Variants in KIAA0825 observed in about 807,000 individuals in gnomAD.
KIAA0825 encodes the protein uncharacterized protein KIAA0825.
A neutral mutation model predicts 147.6 loss-of-function variants in KIAA0825; 119 were observed. That is an observed-to-expected ratio of 0.81 (90% CI 0.69 to 0.94). The LOEUF is 0.94. Among genes scored for constraint, KIAA0825 ranks in the 40% least tolerant of loss-of-function variants. KIAA0825 has a pLI of 0.00. For synonymous variants in KIAA0825, 470 were observed against 518.1 expected (o/e 0.91, Z 1.26); for missense variants, 1,381 against 1,472.7 (o/e 0.94, Z 1.02).
chr5:94,614,848 T>A (rs749756915), intron 1 of KIAA0825, among the ~76,000 whole-genome samples: 12 of 152,200 alleles, frequency 7.9e-5, no homozygotes, highest in Non-Finnish European at 1.8e-4. Flanking sequence ...CTTTGTCTAA[T>A]TTATAAAGCA....
intron 3 of KIAA0825, among the ~76,000 whole-genome samples, chr5:94,529,471 T>C (rs1770327867): frequency 6.7e-6 from 1 of 149,844 alleles, no homozygotes; most frequent in African/African-American, 2.4e-5. Flanking sequence ...ATATATTGTG[T>C]GTATATAGAT....
intron 2 of KIAA0825, among the ~76,000 whole-genome samples, chr5:94,557,838 A>G (rs1776835174): frequency 6.6e-6 from 1 of 152,064 alleles, no homozygotes; most frequent in Non-Finnish European, 1.5e-5. Context: ...AAATCTTGCA[A>G]CTGCACTCTT....
intron 20 of KIAA0825, among the ~76,000 whole-genome samples, chr5:94,308,587 C>T (rs992604307): frequency 6.6e-6 from 1 of 151,776 alleles, no homozygotes; most frequent in Non-Finnish European, 1.5e-5. Flanking sequence ...GCTCAAAGTT[C>T]CCTGCTGAAT....
chr5:94,535,006 T>A (rs560696952), intron 3 of KIAA0825, among the ~76,000 whole-genome samples: 135 of 152,260 alleles, frequency 8.9e-4, no homozygotes, highest in Middle Eastern at 6.8e-3. Context: ...ATAATTACCC[T>A]ATAGTTATTT....
At chr5:94,406,411 G>T (rs1752072122) in intron 15 of KIAA0825, among the ~76,000 whole-genome samples, 1 of 152,100 alleles carries the variant, frequency 6.6e-6, no homozygotes. Context: ...CAGTATCTCT[G>T]GCTTTAGATC....
At chr5:94,540,455 C>G (rs765222925) in intron 2 of KIAA0825, among the ~76,000 whole-genome samples, 5 of 152,196 alleles carry the variant, frequency 3.3e-5, no homozygotes, top group Non-Finnish European at 7.3e-5. Flanking sequence ...AACCACATGG[C>G]AGTACTTTCT....
intron 20 of KIAA0825, among the ~76,000 whole-genome samples, chr5:94,162,699 CA>C (rs1562289722): frequency 6.6e-6 from 1 of 152,136 alleles, no homozygotes; most frequent in African/African-American, 2.4e-5. Flanking sequence ...AACAAAAAAA[CA>C]AACCTGTTCT....
At chr5:94,348,612 G>A (rs896073152) in intron 20 of KIAA0825, among the ~76,000 whole-genome samples, 14 of 152,100 alleles carry the variant, frequency 9.2e-5, no homozygotes, top group African/African-American at 3.4e-4. Context: ...TAAAGAAAAT[G>A]GGTGAAAAAA....
intron 10 of KIAA0825, among the ~76,000 whole-genome samples, chr5:94,465,374 C>T (rs534645186): frequency 9.2e-5 from 14 of 152,238 alleles, no homozygotes; most frequent in Non-Finnish European, 1.8e-4. Flanking sequence ...CTGAAAAAGC[C>T]ATGCTAGCTT....
intron 14 of KIAA0825, among the ~76,000 whole-genome samples, chr5:94,427,550 A>G (rs1755051345): frequency 1.3e-5 from 2 of 152,134 alleles, no homozygotes; most frequent in South Asian, 4.1e-4. Flanking sequence ...AAAAGAATAA[A>G]AAGTACTTTA....
chr5:94,250,943 C>T (rs1350284837), intron 20 of KIAA0825, among the ~76,000 whole-genome samples: 3 of 152,064 alleles, frequency 2.0e-5, no homozygotes, highest in Non-Finnish European at 2.9e-5. Flanking sequence ...TAGGAATCCC[C>T]GTGAAGCTAC....
chr5:94,462,887 T>C (rs763819668), intron 11 of KIAA0825, among the ~76,000 whole-genome samples: 1 of 151,784 alleles, frequency 6.6e-6, no homozygotes, highest in Non-Finnish European at 1.5e-5. Flanking sequence ...CCGGAAATTA[T>C]ACTGAGCAAA....
intron 20 of KIAA0825, among the ~76,000 whole-genome samples, chr5:94,292,353 CATT>C (rs974140183): frequency 6.6e-6 from 1 of 151,422 alleles, no homozygotes. Context: ...TTTTCTGCAT[CATT>C]GAGATAATCA....
At chr5:94,266,758 CT>C (rs988122391) in intron 20 of KIAA0825, among the ~76,000 whole-genome samples, 4 of 151,976 alleles carry the variant, frequency 2.6e-5, no homozygotes, top group African/African-American at 9.7e-5. Context: ...TAAAACATAA[CT>C]TATGTTAATA....
chr5:94,486,226 C>G (rs1028984375), intron 5 of KIAA0825, among the ~76,000 whole-genome samples: 2 of 151,912 alleles, frequency 1.3e-5, no homozygotes, highest in African/African-American at 4.8e-5. Flanking sequence ...TTTGTAAACT[C>G]CTACAAACTT....
chr5:94,183,716 G>A (rs1000198326), intron 20 of KIAA0825, among the ~76,000 whole-genome samples: 1 of 152,188 alleles, frequency 6.6e-6, no homozygotes, highest in Admixed American at 6.5e-5. Context: ...ACATCCACAT[G>A]CCAGGAGGGT....
chr5:94,435,897 A>AT (rs1268041093), intron 14 of KIAA0825, among the ~76,000 whole-genome samples: 1 of 151,838 alleles, frequency 6.6e-6, no homozygotes, highest in Non-Finnish European at 1.5e-5. Flanking sequence ...TTTTTTTCAT[A>AT]TAACTGTTGG....
chr5:94,483,948 A>ATC (rs1762764204), intron 6 of KIAA0825, among the ~76,000 whole-genome samples: 1 of 151,490 alleles, frequency 6.6e-6, no homozygotes, highest in Non-Finnish European at 1.5e-5. Context: ...ATATATATAT[A>ATC]TTTACACTCC....
intron 20 of KIAA0825, among the ~76,000 whole-genome samples, chr5:94,203,701 T>A (rs1325496030): frequency 6.6e-6 from 1 of 152,178 alleles, no homozygotes. Context: ...TACTCGAGTA[T>A]CTGATTTGCA....
Sources: gnomAD v4.1 joint callset for allele counts (sites outside exome capture counted in the v4.1 genomes callset) on GRCh38, gnomAD v4.1.1 for gene constraint, MANE v1.5 for transcripts, NCBI Gene and HGNC (gene_info 2026-07-23, HGNC 2026-07-21) for gene names.